The following CACNA1C variants were observed in gnomAD, a reference collection of about 807,000 sequenced individuals.
CACNA1C encodes the protein voltage-dependent L-type calcium channel subunit alpha-1C.
CACNA1C carries 30 observed loss-of-function variants against 229.0 expected under a neutral mutation model. The ratio of observed to expected loss-of-function variants is 0.13; its 90% confidence interval spans 0.10 to 0.18. The LOEUF (loss-of-function observed/expected upper bound fraction) is 0.18. CACNA1C is among the 10% of genes least tolerant of loss of function. The pLI is 1.00. For synonymous variants in CACNA1C, 1,114 were observed against 1,132.5 expected, an observed-to-expected ratio of 0.98 and a Z score of 0.33; for missense variants, 1,658 against 2,845.0, an observed-to-expected ratio of 0.58 and a Z score of 9.49.
At chr12:2,670,405 A>G (rs927296068) in intron 38 of CACNA1C, among the ~76,000 whole-genome samples, 9 of 152,186 alleles carry the variant, frequency 5.9e-5, no homozygotes, top group Non-Finnish European at 1.2e-4. Context: ...GGTAGACTAG[A>G]GAAAGGTGAT....
chr12:2,343,023 C>A (rs2096908482), intron 3 of CACNA1C, among the ~76,000 whole-genome samples: 2 of 152,186 alleles, frequency 1.3e-5, no homozygotes, highest in African/African-American at 4.8e-5. Flanking sequence ...AGAGAAAAAA[C>A]AAACAAGCAA....
intron 9 of CACNA1C, among the ~76,000 whole-genome samples, chr12:2,516,894 G>A (rs1294733343): frequency 6.6e-6 from 1 of 152,212 alleles, no homozygotes; most frequent in African/African-American, 2.4e-5. Context: ...TTAACCCCTG[G>A]ATCTCTGGAT....
intron 3 of CACNA1C, among the ~76,000 whole-genome samples, chr12:2,419,817 C>T (rs1210208259): frequency 2.6e-5 from 4 of 152,172 alleles, no homozygotes; most frequent in African/African-American, 4.8e-5. Context: ...TTTGACTCTG[C>T]AATCCAACCT....
chr12:2,380,837 G>T (rs995118716), intron 3 of CACNA1C, among the ~76,000 whole-genome samples: 7 of 152,180 alleles, frequency 4.6e-5, no homozygotes, highest in African/African-American at 2.4e-5. Flanking sequence ...GGGAGTGGGT[G>T]GGGGGCAATG....
chr12:2,437,275 A>G (rs1367358166), intron 3 of CACNA1C, among the ~76,000 whole-genome samples: 1 of 152,186 alleles, frequency 6.6e-6, no homozygotes, highest in African/African-American at 2.4e-5. Context: ...AGGCCTGTGC[A>G]GCAGCCAGCA....
intron 2 of CACNA1C, among the ~76,000 whole-genome samples, chr12:2,119,043 A>G (rs544767375): frequency 2.0e-5 from 3 of 152,232 alleles, no homozygotes; most frequent in East Asian, 3.9e-4. Context: ...GCCCCTTAAC[A>G]CGTCAGAAGG....
At position 2,275,108 on chromosome 12, in the gene CACNA1C, T is replaced by A. The variant is rs1236289431; in HGVS notation, c.477+154678T>A. Among the ~76,000 whole-genome samples the A allele has an allele frequency of 6.6e-6, 1 of 152,246 alleles. No homozygotes were observed. Among genetic ancestry groups the A allele is most frequent in the Non-Finnish European group, 1.5e-5 (1 of 68,048 alleles). On this transcript the variant is annotated intron_variant, in intron 3 of 46. Coordinates refer to ENST00000399655, the MANE Select transcript of CACNA1C (RefSeq NM_000719.7). The surrounding 1 kb of genome is among the most constrained non-coding windows in gnomAD (Gnocchi z 4.1). ...AATTACCTCCTAACAGGTTTCCACA[T>A]TTCTCTGCTGTCAGAATGGTTTTGT... is the stretch of plus-strand genomic sequence containing the variant.
At chr12:2,212,495 C>A (rs188364221) in intron 3 of CACNA1C, among the ~76,000 whole-genome samples, 34 of 152,318 alleles carry the variant, frequency 2.2e-4, no homozygotes, top group Admixed American at 5.2e-4. Context: ...ATCTGATCTG[C>A]TTAAAGCATG....
In CACNA1C at chr12:2,608,840, A is replaced by G. The variant is rs1022508162; in HGVS notation, c.3558+128A>G. The G allele has an allele frequency of 1.5e-5, 13 of 877,844 alleles. No individual in the cohort carries two copies. Among genetic ancestry groups the G allele is most frequent in the Non-Finnish European group, 2.1e-5 (12 of 571,676 alleles). The allele number at this position is 877,844 out of a possible 1,614,324, so 54.4% of individuals were successfully genotyped here. A position where few individuals can be genotyped will look rare whatever the true frequency, so the allele number is the denominator to read the frequency against. On this transcript the variant is annotated intron_variant, in intron 27 of 46. Coordinates refer to ENST00000399655, the MANE Select transcript of CACNA1C (RefSeq NM_000719.7). This position sits in a 1 kb window ranked among gnomAD's most constrained non-coding sequence, Gnocchi z 4.2. ...TACTGAGATCGTCTCTCTATTCCTCAACCAGAGTGGGCTGTCAGTCTTTTT... is the reference window on the plus strand; with the variant it reads ...TACTGAGATCGTCTCTCTATTCCTCGACCAGAGTGGGCTGTCAGTCTTTTT...
At chr12:2,370,716 C>A (rs1440251046) in intron 3 of CACNA1C, among the ~76,000 whole-genome samples, 1 of 152,126 alleles carries the variant, frequency 6.6e-6, no homozygotes, top group Non-Finnish European at 1.5e-5. Context: ...ATTAGAAATG[C>A]TAAGTTATGG....
chr12:2,526,389 C>T (rs996993801), intron 9 of CACNA1C, among the ~76,000 whole-genome samples: 3 of 152,208 alleles, frequency 2.0e-5, no homozygotes, highest in Non-Finnish European at 4.4e-5. Context: ...TCCCGGATTC[C>T]GTTTCTTTTA....
intron 10 of CACNA1C, among the ~76,000 whole-genome samples, chr12:2,553,509 A>G (rs1481666217): frequency 3.3e-5 from 5 of 152,224 alleles, no homozygotes; most frequent in African/African-American, 1.2e-4. Context: ...GAAACCAGTG[A>G]GTCGTCGAGA....
At chr12:2,217,530 A>G in intron 3 of CACNA1C, 1 of 152,386 alleles carries the variant, frequency 6.6e-6, no homozygotes, top group East Asian at 1.9e-4. Flanking sequence ...TTTCAAAATT[A>G]CCACTTGATA....
intron 38 of CACNA1C, among the ~76,000 whole-genome samples, chr12:2,669,391 T>C (rs1366089828): frequency 6.6e-6 from 1 of 152,206 alleles, no homozygotes. Flanking sequence ...CGAATATGTG[T>C]TGGGCCACAT....
At chr12:2,387,949 C>T (rs1265008204) in intron 3 of CACNA1C, among the ~76,000 whole-genome samples, 1 of 152,114 alleles carries the variant, frequency 6.6e-6, no homozygotes, top group African/African-American at 2.4e-5. Context: ...GAGAACTTGC[C>T]CAGATCAGTG....
chr12:2,447,180 C>A (rs1475610815), intron 3 of CACNA1C, among the ~76,000 whole-genome samples: 2 of 152,180 alleles, frequency 1.3e-5, no homozygotes, highest in Non-Finnish European at 2.9e-5. Context: ...CTCATGTTTT[C>A]TTCTTCAACA....
chr12:2,405,149 T>A (rs1399533580), intron 3 of CACNA1C, among the ~76,000 whole-genome samples: 1 of 152,216 alleles, frequency 6.6e-6, no homozygotes, highest in Non-Finnish European at 1.5e-5. Context: ...TTAAATTTTT[T>A]AAAAATTTTA....
At chr12:2,280,549 G>T (rs12306676) in intron 3 of CACNA1C, among the ~76,000 whole-genome samples, 23 of 53,650 alleles carry the variant, frequency 4.3e-4, no homozygotes, top group Non-Finnish European at 4.3e-4. Context: ...AACCTCTTGA[G>T]ACCTTGCTGT....
At chr12:2,163,542 G>A (rs542297689) in intron 3 of CACNA1C, among the ~76,000 whole-genome samples, 1 of 152,192 alleles carries the variant, frequency 6.6e-6, no homozygotes, top group East Asian at 1.9e-4. Flanking sequence ...GTACATCCTG[G>A]GTACACTTTT....
Sources: allele counts gnomAD v4.1 joint callset (sites outside exome capture counted in the v4.1 genomes callset), GRCh38; gene constraint gnomAD v4.1.1; non-coding constraint Gnocchi (gnomAD v3.1); transcripts MANE v1.5; gene names NCBI Gene and HGNC (gene_info 2026-07-23, HGNC 2026-07-21).